Variants in CACNA1D observed in about 807,000 individuals in gnomAD.
CACNA1D encodes the protein calcium voltage-gated channel subunit alpha1 D.
In CACNA1D, 55 loss-of-function variants were observed where a neutral mutation model predicts 257.1. That is an observed-to-expected ratio of 0.21 (90% CI 0.17 to 0.27). The LOEUF is 0.27. CACNA1D is among the 10% of genes least tolerant of loss of function. The probability of loss-of-function intolerance (pLI) is 1.00; values close to 1 mark genes in which losing one functional copy is unlikely to be tolerated. For missense variants in CACNA1D, 1,876 were observed against 2,784.0 expected, an observed-to-expected ratio of 0.67 and a Z score of 7.34; for synonymous variants, 980 against 1,014.9, an observed-to-expected ratio of 0.97 and a Z score of 0.65.
intron 3 of CACNA1D, among the ~76,000 whole-genome samples, chr3:53,645,249 T>G (rs923418511): frequency 5.3e-5 from 8 of 152,242 alleles, no homozygotes; most frequent in African/African-American, 1.9e-4. Flanking sequence ...TTAAAAATAT[T>G]TTCTCCCATT....
chr3:53,810,366 AG>A (rs2095590686), intron 47 of CACNA1D, 68 bp downstream of exon 47: 1 of 1,493,430 alleles, frequency 6.7e-7, no homozygotes. Context: ...CTGTAACAGC[AG>A]GAAGGGCAGT....
intron 3 of CACNA1D, among the ~76,000 whole-genome samples, chr3:53,505,435 C>T (rs72957267): frequency 2.0e-5 from 3 of 152,222 alleles, no homozygotes; most frequent in Non-Finnish European, 2.9e-5. Flanking sequence ...TCCTCTGGAG[C>T]GTCTTCAAAA....
chr3:53,595,407 CT>C (rs2107832994), intron 3 of CACNA1D, among the ~76,000 whole-genome samples: 2 of 152,298 alleles, frequency 1.3e-5, no homozygotes, highest in East Asian at 3.9e-4. Context: ...AACATGGCAC[CT>C]TTCCCCCATC....
intron 45 of CACNA1D, 28 bp from the exon 46 acceptor site, chr3:53,808,621 A>G (rs768254536): frequency 6.2e-7 from 1 of 1,604,430 alleles, no homozygotes; most frequent in Admixed American, 1.7e-5. Context: ...CTTGCTTCAC[A>G]GCTGTGTGAT....
At chr3:53,550,984 A>G (rs1278466566) in intron 3 of CACNA1D, among the ~76,000 whole-genome samples, 4 of 152,204 alleles carry the variant, frequency 2.6e-5, no homozygotes, top group African/African-American at 9.7e-5. Flanking sequence ...TATCAAGACA[A>G]AGTGATTAAG....
Position 53,729,308 on chromosome 3 carries a change from CAG to C in CACNA1D, c.2222-1130_2222-1129del, listed in dbSNP as rs374843096. On this transcript the variant is annotated intron_variant, in intron 15 of 47. Coordinates refer to ENST00000350061, the MANE Select transcript of CACNA1D (RefSeq NM_001128840.3). ...ATTAGTCAGGCGTGCTATTCCCTCA[CAG>C]AGATTTCATCATCTGTTCCTTGTTA... is the stretch of plus-strand genomic sequence containing the variant. Among the ~76,000 whole-genome samples, 557 of 152,324 alleles carry C rather than the reference CAG, an allele frequency of 3.7e-3. 2 individuals carry two copies. The highest frequency in any genetic ancestry group is 0.01 in the Middle Eastern group (3 of 294).
chr3:53,673,848 C>T lies in CACNA1D; in HGVS notation c.1220+722C>T, dbSNP rs1218969272. On this transcript the variant is annotated intron_variant, in intron 8 of 47. Transcript: ENST00000350061. This position sits in a 1 kb window ranked among gnomAD's most constrained non-coding sequence, Gnocchi z 4.1. ...AGTCGGATCCGTGTTGCACCTTCTCCTGCTGCCACGTGTGAGGCAACTCTG... is the reference window on the plus strand; with the variant it reads ...AGTCGGATCCGTGTTGCACCTTCTCTTGCTGCCACGTGTGAGGCAACTCTG... 4 of 1,408,180 alleles carry T rather than the reference C, an allele frequency of 2.8e-6. No homozygotes were observed. Among genetic ancestry groups the T allele is most frequent in the Non-Finnish European group, 3.0e-6 (3 of 992,134 alleles). 87.2% of individuals were successfully genotyped at this position (1,408,180 alleles called of 1,614,324 possible).
intron 3 of CACNA1D, among the ~76,000 whole-genome samples, chr3:53,633,584 A>G (rs1057450343): frequency 6.6e-6 from 1 of 152,232 alleles, no homozygotes; most frequent in Admixed American, 6.5e-5. Flanking sequence ...GCTTAGGGCA[A>G]ACTGGTAGCC....
chr3:53,671,286 G>T (rs1221812485), intron 7 of CACNA1D, among the ~76,000 whole-genome samples: 1 of 152,202 alleles, frequency 6.6e-6, no homozygotes, highest in Admixed American at 6.5e-5. Context: ...GGTCATGGAA[G>T]AGTGAGGTTT....
chr3:53,679,543 ACAGAGAATTTTTGGC>A (rs1352822723), intron 8 of CACNA1D: 1 of 152,144 alleles, frequency 6.6e-6, no homozygotes, highest in East Asian at 1.9e-4. Context: ...ATCTTGGCCA[ACAGAGAATTTTTGGC>A]CAGTGGCTAC....
chr3:53,507,027 T>G (rs2090874402), intron 3 of CACNA1D, among the ~76,000 whole-genome samples: 1 of 130,664 alleles, frequency 7.7e-6, no homozygotes, highest in African/African-American at 2.9e-5. Context: ...GGACTATGAG[T>G]GAGCCACTGC....
At chr3:53,504,995 C>G (rs986580998) in intron 3 of CACNA1D, among the ~76,000 whole-genome samples, 1 of 152,140 alleles carries the variant, frequency 6.6e-6, no homozygotes, top group Non-Finnish European at 1.5e-5. Context: ...CTGCACTCAC[C>G]TCTAAGCCAT....
chr3:53,768,161 A>G (rs2095345553), intron 30 of CACNA1D, among the ~76,000 whole-genome samples: 1 of 152,228 alleles, frequency 6.6e-6, no homozygotes, highest in African/African-American at 2.4e-5. Flanking sequence ...TCAGACTTGA[A>G]GCAGAATAGG....
At chr3:53,667,734 T>C (rs929091354) in intron 7 of CACNA1D, among the ~76,000 whole-genome samples, 2 of 152,212 alleles carry the variant, frequency 1.3e-5, no homozygotes, top group African/African-American at 4.8e-5. Flanking sequence ...AAAGTCAGTC[T>C]AGTTTGATCA....
At chr3:53,666,604 C>A in intron 7 of CACNA1D, 69 bp downstream of exon 7, 1 of 1,311,120 alleles carries the variant, frequency 7.6e-7, no homozygotes, top group Non-Finnish European at 1.1e-6. Context: ...TGAGCTAGAG[C>A]CACTGGAGAG....
At chr3:53,497,078 C>A in intron 1 of CACNA1D, 74 bp from the exon 2 acceptor site, 1 of 1,136,300 alleles carries the variant, frequency 8.8e-7, no homozygotes, top group Non-Finnish European at 1.3e-6. Context: ...TGGGAGACAA[C>A]CTTTGATTTT....
At chr3:53,565,259 A>G (rs528906163) in intron 3 of CACNA1D, among the ~76,000 whole-genome samples, 3 of 152,208 alleles carry the variant, frequency 2.0e-5, no homozygotes, top group East Asian at 3.9e-4. Context: ...ATCTTGTTCT[A>G]CTTTATCAGC....
chr3:53,644,005 G>A (rs1437743526), intron 3 of CACNA1D, among the ~76,000 whole-genome samples: 2 of 152,334 alleles, frequency 1.3e-5, no homozygotes, highest in East Asian at 3.9e-4. Flanking sequence ...ACTTCTTAGT[G>A]GGAAGGGACA....
chr3:53,561,138 C>G (rs2092731121), intron 3 of CACNA1D, among the ~76,000 whole-genome samples: 1 of 152,172 alleles, frequency 6.6e-6, no homozygotes, highest in Non-Finnish European at 1.5e-5. Flanking sequence ...TAGCATGTCT[C>G]AAGTCATGAC....
Sources: gnomAD v4.1 joint callset for allele counts (sites outside exome capture counted in the v4.1 genomes callset) on GRCh38, gnomAD v4.1.1 for gene constraint, Gnocchi (gnomAD v3.1) non-coding constraint, MANE v1.5 for transcripts, NCBI Gene and HGNC (gene_info 2026-07-23, HGNC 2026-07-21) for gene names.